Variants in TAOK3 observed in about 807,000 individuals in gnomAD.
The protein encoded by TAOK3 is serine/threonine-protein kinase TAO3.
A neutral mutation model predicts 120.4 loss-of-function variants in TAOK3; 40 were observed. The observed-to-expected ratio is 0.33, with a 90% CI of 0.26 to 0.43. The LOEUF (loss-of-function observed/expected upper bound fraction) is 0.43, where lower values mean the gene tolerates loss of function less well. Ranked by LOEUF, TAOK3 falls within the 20% of genes least tolerant of loss-of-function variation. TAOK3 has a pLI of 1.00. For missense variants in TAOK3, 821 were observed against 1,112.1 expected (o/e 0.74, Z 3.72); for synonymous variants, 355 against 387.5 (o/e 0.92, Z 0.99).
chr12:118,160,409 G>C lies in TAOK3; in HGVS notation c.2140-51C>G. 6.8e-7 allele frequency: 1 copy of C among 1,469,194 alleles called. No individual in the cohort carries two copies. Among genetic ancestry groups the C allele is most frequent in the Non-Finnish European group, 9.5e-7 (1 of 1,056,388 alleles). The allele number at this position is 1,469,194 out of a possible 1,614,324, so 91.0% of individuals were successfully genotyped here. A position where few individuals can be genotyped will look rare whatever the true frequency, so the allele number is the denominator to read the frequency against. ...AAATAAAGGCACATCAGTAAATACA[G>C]AAAGCCTTCTACCATAATGATATAA... On this transcript the variant is annotated intron_variant, in intron 18 of 20. Transcript: ENST00000392533. The surrounding 1 kb of genome is among the most constrained non-coding windows in gnomAD (Gnocchi z 4.2).
intron 11 of TAOK3, among the ~76,000 whole-genome samples, chr12:118,204,208 A>C (rs1489163367): frequency 6.6e-6 from 1 of 151,602 alleles, no homozygotes; most frequent in East Asian, 1.9e-4. Flanking sequence ...CAGAGGTTGC[A>C]GTGAGCCGAG....
intron 1 of TAOK3, among the ~76,000 whole-genome samples, chr12:118,274,929 G>A (rs895285163): frequency 6.6e-6 from 1 of 151,500 alleles, no homozygotes; most frequent in Admixed American, 6.6e-5. Context: ...TCTTTGTTCT[G>A]TCTGATACTT....
chr12:118,312,946 CTGCTGGTGAGG>C (rs148444285), intron 1 of TAOK3, among the ~76,000 whole-genome samples: 3,089 of 152,248 alleles, frequency 0.02, 105 homozygotes, highest in African/African-American at 0.07. Flanking sequence ...AAATGCTTAT[CTGCTGGTGAGG>C]CTCTATTCTG....
At chr12:118,214,661 G>A (rs934345158) in intron 9 of TAOK3, among the ~76,000 whole-genome samples, 2 of 150,806 alleles carry the variant, frequency 1.3e-5, no homozygotes, top group African/African-American at 4.9e-5. Flanking sequence ...TCTGCCTCCT[G>A]GGTTCAAGTG....
At chr12:118,168,557 A>G (rs920196721) in intron 17 of TAOK3, among the ~76,000 whole-genome samples, 7 of 152,170 alleles carry the variant, frequency 4.6e-5, no homozygotes, top group African/African-American at 7.2e-5. Flanking sequence ...GTTTTCGTCT[A>G]TTTTCAATGT....
intron 1 of TAOK3, among the ~76,000 whole-genome samples, chr12:118,326,302 A>C (rs2043932740): frequency 6.6e-6 from 1 of 152,144 alleles, no homozygotes; most frequent in Non-Finnish European, 1.5e-5. Flanking sequence ...CCTTTGTTGA[A>C]AATAAGTTGA....
intron 13 of TAOK3, among the ~76,000 whole-genome samples, chr12:118,196,801 G>T (rs1377820248): frequency 1.3e-5 from 2 of 151,996 alleles, no homozygotes; most frequent in Non-Finnish European, 2.9e-5. Context: ...TGGTTTTGTT[G>T]GTCTATTCAT....
At chr12:118,302,777 G>A (rs1390808009) in intron 1 of TAOK3, among the ~76,000 whole-genome samples, 1 of 152,082 alleles carries the variant, frequency 6.6e-6, no homozygotes, top group Admixed American at 6.6e-5. Flanking sequence ...AAAGAGATAT[G>A]GGAACAGACA....
At chr12:118,334,691 T>C (rs894981417) in intron 1 of TAOK3, among the ~76,000 whole-genome samples, 1 of 151,640 alleles carries the variant, frequency 6.6e-6, no homozygotes, top group East Asian at 1.9e-4. Context: ...CTGGCCAACA[T>C]GGTGAAACTC....
intron 1 of TAOK3, among the ~76,000 whole-genome samples, chr12:118,324,470 G>T (rs537697457): frequency 1.3e-5 from 2 of 151,756 alleles, no homozygotes; most frequent in South Asian, 4.2e-4. Context: ...TCAAATACTA[G>T]ATCTTATTCA....
At chr12:118,318,350 G>T (rs1241953971) in intron 1 of TAOK3, among the ~76,000 whole-genome samples, 1 of 151,942 alleles carries the variant, frequency 6.6e-6, no homozygotes, top group Non-Finnish European at 1.5e-5. Flanking sequence ...TAAAGACAGG[G>T]TTTCACCATG....
intron 17 of TAOK3, among the ~76,000 whole-genome samples, chr12:118,168,265 A>G (rs1349851640): frequency 6.6e-6 from 1 of 152,214 alleles, no homozygotes; most frequent in African/African-American, 2.4e-5. Flanking sequence ...CACTCACTGC[A>G]TGGTGATGAT....
intron 11 of TAOK3, among the ~76,000 whole-genome samples, chr12:118,204,900 G>T (rs2038214804): frequency 6.6e-6 from 1 of 152,126 alleles, no homozygotes; most frequent in African/African-American, 2.4e-5. Flanking sequence ...GGGCATGGTG[G>T]CTCACAACTG....
At chr12:118,288,204 C>T (rs1197266013) in intron 1 of TAOK3, among the ~76,000 whole-genome samples, 1 of 151,858 alleles carries the variant, frequency 6.6e-6, no homozygotes, top group Non-Finnish European at 1.5e-5. Flanking sequence ...AATGTATATA[C>T]TTAAATTTAT....
intron 1 of TAOK3, among the ~76,000 whole-genome samples, chr12:118,291,114 C>T (rs57261188): frequency 0.023 from 3,493 of 151,326 alleles, 104 homozygotes; most frequent in East Asian, 0.068. Flanking sequence ...CCTCGGCGTC[C>T]GAAAGTACTG....
chr12:118,191,359 T>C (rs890733942), intron 13 of TAOK3, among the ~76,000 whole-genome samples: 3 of 152,240 alleles, frequency 2.0e-5, no homozygotes, highest in Non-Finnish European at 4.4e-5. Context: ...TTAATAAACT[T>C]GCCATTGAGG....
chr12:118,207,700 G>T (rs554995923), intron 11 of TAOK3, among the ~76,000 whole-genome samples: 1 of 152,098 alleles, frequency 6.6e-6, no homozygotes, highest in South Asian at 2.1e-4. Context: ...ACTAAAAATA[G>T]AAAAACTAGC....
chr12:118,150,982 G>GC lies in TAOK3; in HGVS notation c.*14dup. The GC allele has an allele frequency of 2.0e-6, 3 of 1,474,378 alleles. No homozygotes were observed. Among genetic ancestry groups the GC allele is most frequent in the Non-Finnish European group, 2.7e-6 (3 of 1,111,222 alleles). 91.3% of individuals were successfully genotyped at this position (1,474,378 alleles called of 1,614,324 possible). On this transcript the variant is annotated 3_prime_UTR_variant, in exon 21 of 21. Coordinates refer to ENST00000392533, the MANE Select transcript of TAOK3 (RefSeq NM_016281.4). ...TTTTTTTTTTTTTTTTTTGTAAATG[G>GC]CAAAAAATTTAATCTCATCTGTAGT...
chr12:118,303,716 C>T (rs137959949), intron 1 of TAOK3, among the ~76,000 whole-genome samples: 2,845 of 152,262 alleles, frequency 0.019, 75 homozygotes, highest in East Asian at 0.067. Flanking sequence ...GGCATGATCT[C>T]GGCTCACTGC....
Sources: gnomAD v4.1 joint callset for allele counts (sites outside exome capture counted in the v4.1 genomes callset) on GRCh38, gnomAD v4.1.1 for gene constraint, Gnocchi (gnomAD v3.1) non-coding constraint, MANE v1.5 for transcripts, NCBI Gene and HGNC (gene_info 2026-07-23, HGNC 2026-07-21) for gene names.